KAZN: variants seen among roughly 807,000 people sequenced by gnomAD.
The protein encoded by KAZN is kazrin, periplakin interacting protein.
KAZN carries 40 observed loss-of-function variants against 87.4 expected under a neutral mutation model. The observed-to-expected ratio is 0.46, with a 90% CI of 0.36 to 0.60. KAZN has a LOEUF of 0.60. Ranked by LOEUF, KAZN falls within the 20% of genes least tolerant of loss-of-function variation. The pLI, the probability that KAZN is intolerant of heterozygous loss-of-function variation, is 0.00. For missense variants in KAZN, 898 were observed against 1,073.9 expected, an observed-to-expected ratio of 0.84 and a Z score of 2.29; for synonymous variants, 466 against 458.3, an observed-to-expected ratio of 1.02 and a Z score of -0.22.
intron 2 of KAZN, among the ~76,000 whole-genome samples, chr1:14,405,777 TC>T (rs1663801681): frequency 6.6e-6 from 1 of 152,098 alleles, no homozygotes; most frequent in Non-Finnish European, 1.5e-5. Context: ...TAATTCCAGT[TC>T]AAAGACCAGC....
At chr1:14,497,141 G>A (rs12031064) in intron 2 of KAZN, among the ~76,000 whole-genome samples, 4,657 of 151,954 alleles carry the variant, frequency 0.031, 189 homozygotes, top group East Asian at 0.16. Context: ...AAACCCATAC[G>A]CCTTATTCTC....
chr1:14,973,102 T>C (rs935065185), intron 2 of KAZN, among the ~76,000 whole-genome samples: 4 of 152,068 alleles, frequency 2.6e-5, no homozygotes, highest in Non-Finnish European at 4.4e-5. Context: ...AGCATGCGAG[T>C]CTCAGCATTT....
chr1:14,792,261 C>G (rs1185247437), intron 1 of KAZN, among the ~76,000 whole-genome samples: 2 of 152,144 alleles, frequency 1.3e-5, no homozygotes, highest in Non-Finnish European at 2.9e-5. Flanking sequence ...ATCCCTGCCC[C>G]CAGTCACCTG....
At chr1:14,514,576 T>TTATACATAATATATGAAA (rs1671179028) in intron 2 of KAZN, among the ~76,000 whole-genome samples, 3 of 123,608 alleles carry the variant, frequency 2.4e-5, no homozygotes, top group Non-Finnish European at 3.2e-5. Flanking sequence ...TCTATATATT[T>TTATACATAATATATGAAA]TATATATTTT....
chr1:14,063,837 G>A (rs908156686), intron 1 of KAZN, among the ~76,000 whole-genome samples: 7 of 152,102 alleles, frequency 4.6e-5, no homozygotes, highest in Admixed American at 6.5e-5. Flanking sequence ...TGGGAGTTCC[G>A]CGGCATAGGC....
At chr1:14,014,849 C>T (rs1640488360) in intron 1 of KAZN, among the ~76,000 whole-genome samples, 1 of 152,178 alleles carries the variant, frequency 6.6e-6, no homozygotes, top group African/African-American at 2.4e-5. Flanking sequence ...CTACCCTAAT[C>T]CGATTTGCAC....
intron 2 of KAZN, among the ~76,000 whole-genome samples, chr1:14,390,401 G>C (rs1401470005): frequency 6.6e-6 from 1 of 152,218 alleles, no homozygotes; most frequent in African/African-American, 2.4e-5. Flanking sequence ...AGGTGGATAA[G>C]AGTTAAAATG....
intron 2 of KAZN, chr1:14,304,565 T>A (rs1654785482): frequency 2.5e-6 from 1 of 398,322 alleles, no homozygotes; most frequent in Non-Finnish European, 4.4e-6. Context: ...TGGCCTTATG[T>A]CAAACATTGC....
chr1:14,464,705 A>C (rs1668023790), intron 2 of KAZN, among the ~76,000 whole-genome samples: 1 of 151,740 alleles, frequency 6.6e-6, no homozygotes. Flanking sequence ...TGCCTGGCTA[A>C]TTTTTTTGTA....
At position 14,040,794 on chromosome 1, in the gene KAZN, T is replaced by A. The variant is rs150407903; in HGVS notation, c.92-139641T>A. Among the ~76,000 whole-genome samples, 201 of 108,210 alleles carry A rather than the reference T, an allele frequency of 1.9e-3. 1 individual carries two copies. The highest frequency in any genetic ancestry group is 8.4e-3 in the East Asian group (43 of 5,134). 71.0% of individuals were successfully genotyped at this position (108,210 alleles called of 152,430 possible). On this transcript the variant is annotated intron_variant, in intron 1 of 16. Transcript: ENST00000636203. ...AAATTAAAATAAAATAAAATTAAAT[T>A]AAATTAAAATAAAATAAAATAAAAT... is the stretch of plus-strand genomic sequence containing the variant.
rs149466305 is a variant in KAZN at position 14,473,845 on chromosome 1, A to G, written c.250-125138A>G. ...GCAAGTGTTGTTTCCTCTGTATGGA[A>G]CCCTCTGGTTATCTGGGAGGCTGAC... On this transcript the variant is annotated intron_variant, in intron 2 of 16. Coordinates refer to the KAZN transcript ENST00000636203. Among the ~76,000 whole-genome samples, 90 of 152,034 alleles carry G rather than the reference A, an allele frequency of 5.9e-4. 1 individual carries two copies. The highest frequency in any genetic ancestry group is 1.0e-3 in the Non-Finnish European group (69 of 67,986).
chr1:14,806,014 C>T (rs1646207786), intron 1 of KAZN, among the ~76,000 whole-genome samples: 1 of 152,158 alleles, frequency 6.6e-6, no homozygotes, highest in South Asian at 2.1e-4. Flanking sequence ...AATTCTTCCT[C>T]TTAGGAGGAA....
In KAZN at chr1:14,184,176, C is replaced by T. The variant is rs1646256934; in HGVS notation, c.249+3584C>T. Among the ~76,000 whole-genome samples the T allele has an allele frequency of 6.6e-6, 1 of 152,064 alleles. No homozygotes were observed. Among genetic ancestry groups the T allele is most frequent in the Non-Finnish European group, 1.5e-5 (1 of 67,988 alleles). On this transcript the variant is annotated intron_variant, in intron 2 of 16. Coordinates refer to the KAZN transcript ENST00000636203. This position sits in a 1 kb window ranked among gnomAD's most constrained non-coding sequence, Gnocchi z 4.2. ...TTTACTCTTCAAACTCTCCGTTTTTCCTTCTGCCCTTGTCTCCTCTTCCCT... is the reference window on the plus strand; with the variant it reads ...TTTACTCTTCAAACTCTCCGTTTTTTCTTCTGCCCTTGTCTCCTCTTCCCT...
At chr1:14,275,416 C>T (rs999520693) in intron 2 of KAZN, among the ~76,000 whole-genome samples, 3 of 146,360 alleles carry the variant, frequency 2.0e-5, no homozygotes, top group Admixed American at 1.4e-4. Context: ...TCTGATGCAT[C>T]GTGAAAACTG....
At chr1:14,081,302 C>T (rs1438249696) in intron 1 of KAZN, among the ~76,000 whole-genome samples, 3 of 152,114 alleles carry the variant, frequency 2.0e-5, no homozygotes, top group African/African-American at 7.2e-5. Context: ...TGGCCGTGAA[C>T]TGCAGTACAT....
intron 1 of KAZN, among the ~76,000 whole-genome samples, chr1:14,902,657 G>A (rs893417881): frequency 1.3e-5 from 2 of 152,086 alleles, no homozygotes; most frequent in African/African-American, 4.8e-5. Context: ...TTAAGTCCAT[G>A]TGAATACAGC....
Position 13,955,396 on chromosome 1 carries a change from C to G in KAZN, c.91+61640C>G, listed in dbSNP as rs141966951. ...CTCAAGTTTTTATATGAATAAATCT[C>G]CTTTTAAAATATAAATAAATGTCCT... On this transcript the variant is annotated intron_variant, in intron 1 of 16. Transcript: ENST00000636203. 1.2e-3 allele frequency among the ~76,000 whole-genome samples: 181 copies of G among 151,912 alleles called. 1 individual carries two copies. The highest frequency in any genetic ancestry group is 4.1e-3 in the African/African-American group (171 of 41,434).
chr1:14,981,596 G>C (rs1666257767), intron 2 of KAZN, among the ~76,000 whole-genome samples: 1 of 152,254 alleles, frequency 6.6e-6, no homozygotes, highest in South Asian at 2.1e-4. Flanking sequence ...CGGAAGCAGA[G>C]AGATGCCTCC....
intron 1 of KAZN, among the ~76,000 whole-genome samples, chr1:14,027,793 G>A (rs1286322815): frequency 3.3e-5 from 5 of 152,128 alleles, no homozygotes; most frequent in African/African-American, 4.8e-5. Flanking sequence ...CGATATTTTT[G>A]TTATTGTTTT....
Sources: gnomAD v4.1 joint callset for allele counts (sites outside exome capture counted in the v4.1 genomes callset) on GRCh38, gnomAD v4.1.1 for gene constraint, Gnocchi (gnomAD v3.1) non-coding constraint, MANE v1.5 for transcripts, NCBI Gene and HGNC (gene_info 2026-07-23, HGNC 2026-07-21) for gene names.